RANBP3L: variants seen among roughly 807,000 people sequenced by gnomAD.
RANBP3L encodes ran-binding protein 3-like.
In RANBP3L, 56 loss-of-function variants were observed where a neutral mutation model predicts 67.2. The observed-to-expected ratio is 0.83, with a 90% CI of 0.67 to 1.04. RANBP3L has a LOEUF of 1.04. Among genes scored for constraint, RANBP3L ranks in the 50% least tolerant of loss-of-function variants. RANBP3L has a pLI of 0.00. For missense variants in RANBP3L, 496 were observed against 535.5 expected, an observed-to-expected ratio of 0.93 and a Z score of 0.73; for synonymous variants, 164 against 181.4, an observed-to-expected ratio of 0.90 and a Z score of 0.77.
rs372983070 is a variant in RANBP3L, at chr5:36,292,783, A to G, written c.91+8543T>C. On this transcript the variant is annotated intron_variant, in intron 1 of 13. Transcript: ENST00000296604. Reference sequence around the variant, plus strand: ...ATATCTCTGTTTTGGTACCAGTACCATGCTGTTTTGGTTACTGTAGCCTTG... The same window carrying G: ...ATATCTCTGTTTTGGTACCAGTACCGTGCTGTTTTGGTTACTGTAGCCTTG... Among the ~76,000 whole-genome samples the G allele has an allele frequency of 3.9e-4, 59 of 152,268 alleles. No homozygotes were observed. In the South Asian group the frequency reaches 0.012, roughly 30 times the overall value.
At chr5:36,299,036 A>G (rs1300172743) in intron 1 of RANBP3L, among the ~76,000 whole-genome samples, 1 of 152,088 alleles carries the variant, frequency 6.6e-6, no homozygotes, top group Non-Finnish European at 1.5e-5. Flanking sequence ...TCCACCCTTA[A>G]TCTAGTGGGC....
intron 1 of RANBP3L, among the ~76,000 whole-genome samples, chr5:36,293,452 G>A (rs1480402854): frequency 6.6e-6 from 1 of 151,834 alleles, no homozygotes; most frequent in African/African-American, 2.4e-5. Context: ...AATAGGAGTG[G>A]TGAGAGAGGT....
chr5:36,281,260 C>T, intron 1 of RANBP3L, among the ~76,000 whole-genome samples: 1 of 152,136 alleles, frequency 6.6e-6, no homozygotes, highest in Non-Finnish European at 1.5e-5. Flanking sequence ...TCAGCAAGGT[C>T]ATGTATGTAA....
rs1045368451 is a variant in RANBP3L, at chr5:36,248,328, C to A, written c.*1326G>T. On this transcript the variant is annotated 3_prime_UTR_variant, in exon 14 of 14. Transcript: ENST00000296604. The stretch of plus-strand genomic sequence containing the variant: ...CTCTTAGTAGTTATATTAAGTTATG[C>A]TTTCTCAGTTATAAGGAAGGACAAA... The A allele has an allele frequency of 1.3e-5, 2 of 152,110 alleles. No individual in the cohort carries two copies. Among genetic ancestry groups the A allele is most frequent in the Non-Finnish European group, 2.9e-5 (2 of 68,024 alleles). 9.4% of individuals were successfully genotyped at this position (152,110 alleles called of 1,614,324 possible).
At chr5:36,286,685 G>T (rs2112061889) in intron 1 of RANBP3L, among the ~76,000 whole-genome samples, 1 of 152,274 alleles carries the variant, frequency 6.6e-6, no homozygotes, top group Non-Finnish European at 1.5e-5. Context: ...CACTAACCTA[G>T]ATAACTGTGA....
Position 36,249,596 on chromosome 5 carries a change from G to A in RANBP3L, c.*58C>T. 1 of 847,140 alleles carries A rather than the reference G, an allele frequency of 1.2e-6. No individual in the cohort carries two copies. Among genetic ancestry groups the A allele is most frequent in the Non-Finnish European group, 1.9e-6 (1 of 537,524 alleles). The allele number at this position is 847,140 out of a possible 1,614,324, so 52.5% of individuals were successfully genotyped here. On this transcript the variant is annotated 3_prime_UTR_variant, in exon 14 of 14. Coordinates refer to ENST00000296604, the MANE Select transcript of RANBP3L (RefSeq NM_145000.5). The stretch of plus-strand genomic sequence containing the variant: ...TCTTCTCATTAGTTAGGGTGGTTTA[G>A]TATTTTCAGTAGGGTGACCCCTCTT...
At chr5:36,262,957 G>A (rs1282306188) in intron 6 of RANBP3L, among the ~76,000 whole-genome samples, 1 of 152,044 alleles carries the variant, frequency 6.6e-6, no homozygotes, top group Non-Finnish European at 1.5e-5. Context: ...TACATAGTAA[G>A]TAACCATTGA....
Position 36,248,882 on chromosome 5 carries a change from G to C in RANBP3L, c.*772C>G, listed in dbSNP as rs183042582. The C allele has an allele frequency of 6.6e-6, 1 of 152,174 alleles. No homozygotes were observed. Among genetic ancestry groups the C allele is most frequent in the Admixed American group, 6.5e-5 (1 of 15,300 alleles). The allele number at this position is 152,174 out of a possible 1,614,324, so 9.4% of individuals were successfully genotyped here. A position where few individuals can be genotyped will look rare whatever the true frequency, so the allele number is the denominator to read the frequency against. ...GAAAAAGATTCATTTGGCTACATAT[G>C]ATACATTTGTTTTTCTATACAGCCC... On this transcript the variant is annotated 3_prime_UTR_variant, in exon 14 of 14. Coordinates refer to ENST00000296604, the MANE Select transcript of RANBP3L (RefSeq NM_145000.5).
intron 6 of RANBP3L, 96 bp downstream of exon 6, chr5:36,264,863 C>T (rs1749644508): frequency 9.2e-7 from 1 of 1,088,084 alleles, no homozygotes; most frequent in Non-Finnish European, 1.4e-6. Context: ...AAACAAAGCT[C>T]AGACAACTCC....
Position 36,271,904 on chromosome 5 carries a change from T to C in RANBP3L, c.92-593A>G, listed in dbSNP as rs72744592. On this transcript the variant is annotated intron_variant, in intron 1 of 13. Coordinates refer to ENST00000296604, the MANE Select transcript of RANBP3L (RefSeq NM_145000.5). ...CTTATTAATATTTTGTATTTTCTTA[T>C]CTTAGATATGGCAATAGAGAGAAAC... Among the ~76,000 whole-genome samples the C allele has an allele frequency of 7.2e-3, 1,102 of 152,334 alleles. 2 individuals carry two copies. Among genetic ancestry groups the C allele is most frequent in the Non-Finnish European group, 0.01 (697 of 68,020 alleles).
At chr5:36,300,177 A>G (rs1266174398) in intron 1 of RANBP3L, among the ~76,000 whole-genome samples, 1 of 152,236 alleles carries the variant, frequency 6.6e-6, no homozygotes, top group East Asian at 1.9e-4. Flanking sequence ...AGAGCATTTT[A>G]CAGTGCTATG....
At chr5:36,268,058 G>A in intron 4 of RANBP3L, 2 of 478,658 alleles carry the variant, frequency 4.2e-6, no homozygotes, top group African/African-American at 2.0e-5. Context: ...ATTCTTCGAT[G>A]CATACTTTGC....
At chr5:36,251,992 T>A (rs1453291457) in intron 12 of RANBP3L, among the ~76,000 whole-genome samples, 1 of 152,136 alleles carries the variant, frequency 6.6e-6, no homozygotes, top group African/African-American at 2.4e-5. Context: ...CCTATGCTAT[T>A]TTAATGGTTG....
At position 36,274,565 on chromosome 5, in the gene RANBP3L, C is replaced by T. The variant is rs527525297; in HGVS notation, c.92-3254G>A. ...GAAAGGAACCAGTGTAGCTGATACC[C>T]TAAGAAAACAGTGGACAAGGGTTAC... On this transcript the variant is annotated intron_variant, in intron 1 of 13. Transcript: ENST00000296604. Among the ~76,000 whole-genome samples, 6 of 152,152 alleles carry T rather than the reference C, an allele frequency of 3.9e-5. No individual in the cohort carries two copies. The East Asian group carries it at 1.2e-3, about 29-fold the overall frequency.
At chr5:36,262,122 A>G in intron 6 of RANBP3L, 80 bp from the exon 7 acceptor site, 1 of 708,216 alleles carries the variant, frequency 1.4e-6, no homozygotes, top group East Asian at 2.6e-5. Context: ...CAATAGTTAT[A>G]GTTAAATATA....
intron 1 of RANBP3L, among the ~76,000 whole-genome samples, chr5:36,277,418 C>CTATA (rs1282657261): frequency 1.1e-4 from 8 of 75,378 alleles, no homozygotes; most frequent in African/African-American, 1.2e-4. Flanking sequence ...CTCTCTCTCT[C>CTATA]TCTCTATATA....
intron 1 of RANBP3L, among the ~76,000 whole-genome samples, chr5:36,283,949 C>T (rs567630036): frequency 1.3e-5 from 2 of 151,902 alleles, no homozygotes; most frequent in South Asian, 4.2e-4. Flanking sequence ...TTTATCTCTC[C>T]TGTTTGAGTA....
At chr5:36,288,402 T>A (rs1751473331) in intron 1 of RANBP3L, among the ~76,000 whole-genome samples, 2 of 152,208 alleles carry the variant, frequency 1.3e-5, no homozygotes, top group South Asian at 4.1e-4. Flanking sequence ...TTTTGGGTTG[T>A]TCACATGTTG....
intron 1 of RANBP3L, among the ~76,000 whole-genome samples, chr5:36,279,600 T>A (rs1750832500): frequency 6.6e-6 from 1 of 152,164 alleles, no homozygotes; most frequent in Non-Finnish European, 1.5e-5. Context: ...GCAAGATGAA[T>A]GGATCCTGCT....
Sources: gnomAD v4.1 joint callset for allele counts (sites outside exome capture counted in the v4.1 genomes callset) on GRCh38, gnomAD v4.1.1 for gene constraint, MANE v1.5 for transcripts, NCBI Gene and HGNC (gene_info 2026-07-23, HGNC 2026-07-21) for gene names.